ERCC6L2: variants seen among roughly 807,000 people sequenced by gnomAD.
ERCC6L2 encodes DNA excision repair protein ERCC-6-like 2.
In ERCC6L2, 77 loss-of-function variants were observed where a neutral mutation model predicts 132.0. That is an observed-to-expected ratio of 0.58 (90% confidence interval 0.49 to 0.71). The LOEUF (loss-of-function observed/expected upper bound fraction) is 0.71, where lower values mean the gene tolerates loss of function less well. Among genes scored for constraint, ERCC6L2 ranks in the 30% least tolerant of loss-of-function variants. The pLI, the probability that ERCC6L2 is intolerant of heterozygous loss-of-function variation, is 0.00. For synonymous variants in ERCC6L2, 583 were observed against 632.4 expected (o/e 0.92, Z 1.17); for missense variants, 1,542 against 1,837.6 (o/e 0.84, Z 2.94).
At chr9:95,957,849 GA>G (rs1189277227) in intron 13 of ERCC6L2, among the ~76,000 whole-genome samples, 1 of 148,880 alleles carries the variant, frequency 6.7e-6, no homozygotes, top group African/African-American at 2.5e-5. Flanking sequence ...ATCTTTTGGG[GA>G]AAAAAAATCC....
chr9:95,941,594 TC>T, intron 12 of ERCC6L2, 45 bp downstream of exon 12: 2 of 1,371,482 alleles, frequency 1.5e-6, no homozygotes, highest in Non-Finnish European at 2.1e-6. Context: ...ATACTTTTAA[TC>T]TAAAAATACT....
intron 6 of ERCC6L2, among the ~76,000 whole-genome samples, chr9:95,919,494 A>G (rs1307200262): frequency 6.6e-6 from 1 of 152,162 alleles, no homozygotes; most frequent in Non-Finnish European, 1.5e-5. Context: ...AAAGTGGTCC[A>G]CTTGCCCCCA....
chr9:95,906,664 G>C (rs949427531), intron 3 of ERCC6L2: 2 of 457,088 alleles, frequency 4.4e-6, no homozygotes, highest in African/African-American at 4.0e-5. Context: ...CAGAAGGAAA[G>C]AGAGCTCCAG....
chr9:95,949,736 G>T (rs964602742), intron 12 of ERCC6L2, among the ~76,000 whole-genome samples: 4 of 152,158 alleles, frequency 2.6e-5, no homozygotes, highest in Non-Finnish European at 5.9e-5. Flanking sequence ...TATCCCTGGT[G>T]CAGTGGCTCA....
chr9:95,876,272 G>A (rs1338580252), intron 1 of ERCC6L2, 188 bp downstream of exon 1: 1 of 535,668 alleles, frequency 1.9e-6, no homozygotes, highest in Non-Finnish European at 3.3e-6. Flanking sequence ...GGACTCGGGA[G>A]TCAGCCCCTG....
intron 18 of ERCC6L2, 24 bp from the exon 19 acceptor site, chr9:96,012,200 CT>C: frequency 2.5e-6 from 3 of 1,197,452 alleles, no homozygotes; most frequent in Non-Finnish European, 3.2e-6. Context: ...AAAATAACCA[CT>C]AGTTTTGTTC....
intron 17 of ERCC6L2, among the ~76,000 whole-genome samples, chr9:95,996,322 T>C (rs761916343): frequency 6.6e-6 from 1 of 152,228 alleles, no homozygotes; most frequent in East Asian, 1.9e-4. Context: ...AGAAAAAATT[T>C]GAAGCTAACA....
chr9:95,992,470 T>A (rs1213453422), intron 17 of ERCC6L2, among the ~76,000 whole-genome samples: 1 of 152,234 alleles, frequency 6.6e-6, no homozygotes, highest in African/African-American at 2.4e-5. Context: ...AAAATGTTAC[T>A]TTCTCTAATG....
At chr9:95,944,816 G>T (rs1394662911) in intron 12 of ERCC6L2, among the ~76,000 whole-genome samples, 1 of 152,118 alleles carries the variant, frequency 6.6e-6, no homozygotes, top group Non-Finnish European at 1.5e-5. Flanking sequence ...TGCAAAACCA[G>T]CAAGTTTTTA....
intron 11 of ERCC6L2, among the ~76,000 whole-genome samples, chr9:95,929,621 T>C (rs561819712): frequency 1.6e-4 from 24 of 152,350 alleles, no homozygotes; most frequent in African/African-American, 5.5e-4. Flanking sequence ...AATATACTTA[T>C]GAATGAGCCA....
intron 19 of ERCC6L2, among the ~76,000 whole-genome samples, chr9:96,035,078 G>A (rs1471008154): frequency 6.6e-6 from 1 of 152,144 alleles, no homozygotes; most frequent in Non-Finnish European, 1.5e-5. Flanking sequence ...CCCCATCCCT[G>A]CAGGCTCGGG....
At chr9:95,880,672 C>A (rs567540594) in intron 1 of ERCC6L2, among the ~76,000 whole-genome samples, 197 bp from the exon 2 acceptor site, 1 of 152,020 alleles carries the variant, frequency 6.6e-6, no homozygotes, top group Admixed American at 6.6e-5. Context: ...AAAGTATGTA[C>A]CCTTTATTCT....
Position 95,880,894 on chromosome 9 carries a change from T to C in ERCC6L2, c.72T>C (p.Cys24=). The C allele has an allele frequency of 6.2e-7, 1 of 1,612,252 alleles. No homozygotes were observed. Among genetic ancestry groups the C allele is most frequent in the Non-Finnish European group, 8.5e-7 (1 of 1,179,084 alleles). Reference sequence around the variant, plus strand: ...ACATATGGCATCCAGGAGAAAGATGTCTTGCCCCTTCTCCAGATAATGGAA... The same window carrying C: ...ACATATGGCATCCAGGAGAAAGATGCCTTGCCCCTTCTCCAGATAATGGAA... ...GKDIWHPGER[C]LAPSPDNGKL... is the part of the protein sequence containing the mutation. The change falls in exon 2 of 19, where the codon TGT becomes TGC. Residue 24 remains cysteine, a synonymous_variant. Transcript: ENST00000653738.
At chr9:96,023,721 G>A (rs1285094253) in intron 19 of ERCC6L2, among the ~76,000 whole-genome samples, 1 of 152,206 alleles carries the variant, frequency 6.6e-6, no homozygotes, top group Non-Finnish European at 1.5e-5. Context: ...GGGCAGTGAG[G>A]AGGATGTATT....
intron 3 of ERCC6L2, among the ~76,000 whole-genome samples, chr9:95,901,267 T>G (rs1828763128): frequency 6.6e-6 from 1 of 150,854 alleles, no homozygotes; most frequent in South Asian, 2.1e-4. Context: ...TGGAAAGGAT[T>G]TTTTTTTTAA....
In ERCC6L2 at chr9:95,882,207, T is replaced by G. The variant is rs145543276; in HGVS notation, c.471+914T>G. Among the ~76,000 whole-genome samples, 615 of 152,338 alleles carry G rather than the reference T, an allele frequency of 4.0e-3. 2 individuals are homozygous for G. Among genetic ancestry groups the G allele is most frequent in the Non-Finnish European group, 6.5e-3 (443 of 68,024 alleles). On this transcript the variant is annotated intron_variant, in intron 2 of 18. Coordinates refer to ENST00000653738, the MANE Select transcript of ERCC6L2 (RefSeq NM_020207.7). ...AGAGACAGCACTAGTAAAACAGAAG[T>G]CATAGTCTTTGGTGATGTAATAACA...
At chr9:95,991,176 G>A (rs571964318) in intron 17 of ERCC6L2, among the ~76,000 whole-genome samples, 5 of 152,128 alleles carry the variant, frequency 3.3e-5, no homozygotes, top group South Asian at 2.1e-4. Context: ...GTGGAAAAAC[G>A]GGGTCAGCTG....
intron 6 of ERCC6L2, among the ~76,000 whole-genome samples, chr9:95,920,545 G>A (rs1375173684): frequency 6.6e-6 from 1 of 152,144 alleles, no homozygotes; most frequent in Non-Finnish European, 1.5e-5. Flanking sequence ...ACTTTTGACT[G>A]TGTGGGGAGT....
At chr9:95,945,251 C>T (rs998041770) in intron 12 of ERCC6L2, among the ~76,000 whole-genome samples, 1 of 152,166 alleles carries the variant, frequency 6.6e-6, no homozygotes, top group Non-Finnish European at 1.5e-5. Context: ...CGATATTTCT[C>T]CCATTTGCTT....
Sources: gnomAD v4.1 joint callset for allele counts (sites outside exome capture counted in the v4.1 genomes callset) on GRCh38, gnomAD v4.1.1 for gene constraint, MANE v1.5 for transcripts, NCBI Gene and HGNC (gene_info 2026-07-23, HGNC 2026-07-21) for gene names.